The following MTHFD2 variants were observed in gnomAD, a reference collection of about 807,000 sequenced individuals.
MTHFD2 encodes bifunctional methylenetetrahydrofolate dehydrogenase/cyclohydrolase, mitochondrial.
In MTHFD2, 26 loss-of-function variants were observed where a neutral mutation model predicts 36.8. That is an observed-to-expected ratio of 0.71 (90% CI 0.52 to 0.98). The LOEUF is 0.98. Among genes scored for constraint, MTHFD2 ranks in the 50% least tolerant of loss-of-function variants. The probability of loss-of-function intolerance (pLI) is 0.00; values close to 1 mark genes in which losing one functional copy is unlikely to be tolerated. For synonymous variants in MTHFD2, 164 were observed against 155.2 expected (o/e 1.06, Z -0.42); for missense variants, 373 against 434.0 (o/e 0.86, Z 1.25).
intron 2 of MTHFD2, among the ~76,000 whole-genome samples, chr2:74,206,777 C>T (rs1003918168): frequency 2.6e-5 from 4 of 152,064 alleles, no homozygotes; most frequent in South Asian, 4.1e-4. Context: ...GGCGTGATCT[C>T]GGCTCTCCGC....
At chr2:74,202,627 A>G (rs563281581) in intron 1 of MTHFD2, among the ~76,000 whole-genome samples, 32 of 152,124 alleles carry the variant, frequency 2.1e-4, no homozygotes, top group Admixed American at 5.9e-4. Flanking sequence ...CCCGGGTTCA[A>G]TCGATTCTCC....
intron 1 of MTHFD2, among the ~76,000 whole-genome samples, chr2:74,199,885 T>G (rs1694003528): frequency 6.6e-6 from 1 of 152,182 alleles, no homozygotes; most frequent in African/African-American, 2.4e-5. Context: ...TTGGCATTGT[T>G]AGAGCCCTGC....
chr2:74,203,762 T>C (rs889969341), intron 1 of MTHFD2, among the ~76,000 whole-genome samples: 1 of 152,204 alleles, frequency 6.6e-6, no homozygotes, highest in Non-Finnish European at 1.5e-5. Context: ...GTTAGAGCAG[T>C]CTTCATGACA....
At position 74,215,024 on chromosome 2, in the gene MTHFD2, TG is replaced by T. The variant is rs1346043075; in HGVS notation, c.*783del. 2.5e-4 allele frequency: 38 copies of T among 152,668 alleles called. No individual in the cohort carries two copies. The highest frequency in any genetic ancestry group is 8.9e-4 in the African/African-American group (37 of 41,460). 9.5% of individuals were successfully genotyped at this position (152,668 alleles called of 1,614,324 possible). On this transcript the variant is annotated 3_prime_UTR_variant, in exon 8 of 8. Coordinates refer to ENST00000394053, the MANE Select transcript of MTHFD2 (RefSeq NM_006636.4). ...TAACTTCATTGTTAAATTTTTGTATTGTATAGTTTCTTTGGTGTATCTTAAA... is the reference window on the plus strand; with the variant it reads ...TAACTTCATTGTTAAATTTTTGTATTTATAGTTTCTTTGGTGTATCTTAAA...
rs1179443090 is a variant in MTHFD2 at position 74,212,304 on chromosome 2, C to T, written c.889+438C>T. ...TTTTTTTGAGACAGTCTCACTCTGT[C>T]ACCCAGGCTGGAGTGCAGTGGCACC... is the stretch of plus-strand genomic sequence containing the variant. On this transcript the variant is annotated intron_variant, in intron 7 of 7. Coordinates refer to ENST00000394053, the MANE Select transcript of MTHFD2 (RefSeq NM_006636.4). Among the ~76,000 whole-genome samples, 187 of 91,772 alleles carry T rather than the reference C, an allele frequency of 2.0e-3. No individual in the cohort carries two copies. The Middle Eastern group carries it at 0.054, about 27-fold the overall frequency. 60.2% of individuals were successfully genotyped at this position (91,772 alleles called of 152,430 possible). A position where few individuals can be genotyped will look rare whatever the true frequency, so the allele number is the denominator to read the frequency against.
chr2:74,206,344 C>G (rs890477120), intron 2 of MTHFD2: 14 of 154,322 alleles, frequency 9.1e-5, no homozygotes, highest in African/African-American at 3.4e-4. Context: ...ACTCTGACTT[C>G]TGGGAAATAG....
At chr2:74,211,625 T>G in intron 6 of MTHFD2, 116 bp from the exon 7 acceptor site, 1 of 1,039,208 alleles carries the variant, frequency 9.6e-7, no homozygotes, top group Non-Finnish European at 1.3e-6. Context: ...TTTTAACAGG[T>G]TTTAATAAAA....
Position 74,215,989 on chromosome 2 carries a change from G to C in MTHFD2, c.*1747G>C, listed in dbSNP as rs1358102877. 1 of 152,264 alleles carries C rather than the reference G, an allele frequency of 6.6e-6. No individual in the cohort carries two copies. The highest frequency in any genetic ancestry group is 6.5e-5 in the Admixed American group (1 of 15,276). 9.4% of individuals were successfully genotyped at this position (152,264 alleles called of 1,614,324 possible). On this transcript the variant is annotated 3_prime_UTR_variant, in exon 8 of 8. Coordinates refer to ENST00000394053, the MANE Select transcript of MTHFD2 (RefSeq NM_006636.4). The stretch of plus-strand genomic sequence containing the variant: ...AAATACTTGAGGCAGGGATAGGTTT[G>C]TCTGTTTTGGCTTTTGGCTTTCATG...
chr2:74,207,642 A>AAC, intron 2 of MTHFD2, 62 bp from the exon 3 acceptor site: 1 of 1,481,552 alleles, frequency 6.7e-7, no homozygotes, highest in Non-Finnish European at 9.2e-7. Flanking sequence ...TATGGTAGGC[A>AAC]ACATAGCAGT....
At position 74,216,818 on chromosome 2, in the gene MTHFD2, AG is replaced by A. The variant is rs1694458880; in HGVS notation, c.*2578del. The A allele has an allele frequency of 6.6e-6, 1 of 152,232 alleles. No homozygotes were observed. The highest frequency in any genetic ancestry group is 1.5e-5 in the Non-Finnish European group (1 of 68,076). The allele number at this position is 152,232 out of a possible 1,614,324, so 9.4% of individuals were successfully genotyped here. Reference sequence around the variant, plus strand: ...AGAGATGGGTCTCACTATGTTGCCCAGGCTGGTCTTGACCTCCTGACCTCTG... The same window carrying A: ...AGAGATGGGTCTCACTATGTTGCCCAGCTGGTCTTGACCTCCTGACCTCTG... On this transcript the variant is annotated 3_prime_UTR_variant, in exon 8 of 8. Transcript: ENST00000394053.
chr2:74,199,417 AG>A (rs1693989934), intron 1 of MTHFD2, among the ~76,000 whole-genome samples: 1 of 152,218 alleles, frequency 6.6e-6, no homozygotes, highest in Non-Finnish European at 1.5e-5. Context: ...CCAGGGCCTT[AG>A]GGAAAGGGGG....
intron 1 of MTHFD2, among the ~76,000 whole-genome samples, chr2:74,204,421 A>G (rs1449270189): frequency 6.6e-6 from 1 of 152,094 alleles, no homozygotes; most frequent in Admixed American, 6.6e-5. Context: ...CTTGCTCCCC[A>G]CCTCAGCAAC....
At chr2:74,207,912 C>G in intron 3 of MTHFD2, 86 bp downstream of exon 3, 1 of 1,313,312 alleles carries the variant, frequency 7.6e-7, no homozygotes, top group South Asian at 1.4e-5. Flanking sequence ...CCCCATCCCC[C>G]TCCTCCTCCC....
chr2:74,202,717 G>A (rs1394810701), intron 1 of MTHFD2, among the ~76,000 whole-genome samples: 1 of 151,262 alleles, frequency 6.6e-6, no homozygotes, highest in Non-Finnish European at 1.5e-5. Context: ...TAGTAGAGAC[G>A]GGGTTTCACC....
intron 1 of MTHFD2, among the ~76,000 whole-genome samples, chr2:74,203,013 T>C (rs2103808410): frequency 6.6e-6 from 1 of 152,254 alleles, no homozygotes; most frequent in East Asian, 1.9e-4. Flanking sequence ...ACTTTTTTCT[T>C]TTTTTGAGAT....
chr2:74,200,559 C>G (rs1192300111), intron 1 of MTHFD2, among the ~76,000 whole-genome samples: 1 of 98,524 alleles, frequency 1.0e-5, no homozygotes, highest in African/African-American at 3.9e-5. Context: ...TTTTTTTTTT[C>G]TTTGTTGGAT....
Position 74,198,675 on chromosome 2 carries a change from G to A in MTHFD2, c.34G>A (p.Ala12Thr). The A allele has an allele frequency of 1.2e-6, 2 of 1,611,132 alleles. No individual in the cohort carries two copies. The highest frequency in any genetic ancestry group is 1.1e-5 in the South Asian group (1 of 90,800). The change falls in exon 1 of 8, where the codon GCC becomes ACC. Residue 12 changes from alanine to threonine, a missense_variant. Ala to Thr is a moderately conservative substitution (Grantham distance 58). Coordinates refer to ENST00000394053, the MANE Select transcript of MTHFD2 (RefSeq NM_006636.4). ...AATSLMSALA[A>T]RLLQPAHSCS... The stretch of plus-strand genomic sequence containing the variant: ...GACTTCTCTAATGTCTGCTTTGGCT[G>A]CCCGGCTGCTGCAGCCCGCGCACAG...
chr2:74,210,788 T>A (rs1426592595), intron 5 of MTHFD2, among the ~76,000 whole-genome samples: 1 of 149,866 alleles, frequency 6.7e-6, no homozygotes, highest in Non-Finnish European at 1.5e-5. Flanking sequence ...TAAGTCAGTT[T>A]TTTTTTTTTT....
rs1049397391 is a variant in MTHFD2 at position 74,207,433 on chromosome 2, C to T, written c.287-271C>T. Among the ~76,000 whole-genome samples, 8 of 152,096 alleles carry T rather than the reference C, an allele frequency of 5.3e-5. No individual in the cohort carries two copies. In the East Asian group the frequency reaches 5.8e-4, roughly 11 times the overall value. ...GTGAGCTACTGTGCCTGGCCTAGCT[C>T]GCTTATTTTTAAACCTCTCTGAGCC... On this transcript the variant is annotated intron_variant, in intron 2 of 7. Transcript: ENST00000394053.
Sources: allele counts gnomAD v4.1 joint callset (sites outside exome capture counted in the v4.1 genomes callset), GRCh38; gene constraint gnomAD v4.1.1; transcripts MANE v1.5; gene names NCBI Gene and HGNC (gene_info 2026-07-23, HGNC 2026-07-21).